The following SESN1 variants were observed in gnomAD, a reference collection of about 807,000 sequenced individuals.
SESN1 encodes sestrin-1.
SESN1 carries 30 observed loss-of-function variants against 59.3 expected under a neutral mutation model. The observed-to-expected ratio is 0.51, with a 90% CI of 0.38 to 0.69. The LOEUF (loss-of-function observed/expected upper bound fraction) is 0.69, where lower values mean the gene tolerates loss of function less well. SESN1 is among the 30% of genes least tolerant of loss of function. The pLI is 0.00. For missense variants in SESN1, 566 were observed against 673.0 expected (o/e 0.84, Z 1.76); for synonymous variants, 197 against 219.9 (o/e 0.90, Z 0.92).
At chr6:109,018,046 TTC>T (rs1168837723) in intron 1 of SESN1, among the ~76,000 whole-genome samples, 5 of 152,132 alleles carry the variant, frequency 3.3e-5, no homozygotes, top group Non-Finnish European at 7.3e-5. Flanking sequence ...AAAAATATAA[TTC>T]CTGATTTTAT....
At chr6:109,028,586 G>T (rs373955238) in intron 1 of SESN1, among the ~76,000 whole-genome samples, 1 of 151,810 alleles carries the variant, frequency 6.6e-6, no homozygotes, top group Non-Finnish European at 1.5e-5. Context: ...GCAATACTAG[G>T]GGGTAAGACA....
chr6:109,081,876 T>G (rs1002793119), intron 1 of SESN1, among the ~76,000 whole-genome samples: 1 of 152,152 alleles, frequency 6.6e-6, no homozygotes, highest in Non-Finnish European at 1.5e-5. Context: ...AAGCTCCCAT[T>G]GGGGGAAGCA....
chr6:109,088,979 A>G (rs957880389), intron 1 of SESN1, among the ~76,000 whole-genome samples: 2 of 152,218 alleles, frequency 1.3e-5, no homozygotes, highest in African/African-American at 4.8e-5. Flanking sequence ...AAAAATGTGA[A>G]TATATTTAAA....
intron 1 of SESN1, among the ~76,000 whole-genome samples, chr6:109,042,656 T>C (rs537288775): frequency 1.1e-4 from 16 of 152,090 alleles, no homozygotes; most frequent in Admixed American, 7.8e-4. Flanking sequence ...ATAACTCACC[T>C]ACTATGAAAT....
intron 1 of SESN1, among the ~76,000 whole-genome samples, chr6:109,079,359 CAGTT>C (rs1288041553): frequency 3.3e-5 from 5 of 152,112 alleles, no homozygotes; most frequent in Admixed American, 1.3e-4. Flanking sequence ...TGAGGTATAA[CAGTT>C]AGACTTTCCA....
At chr6:108,988,955 G>A (rs556498114) in intron 8 of SESN1, among the ~76,000 whole-genome samples, 1 of 152,192 alleles carries the variant, frequency 6.6e-6, no homozygotes, top group South Asian at 2.1e-4. Context: ...ATAGCACTGG[G>A]TACCAAGCAA....
At chr6:109,005,183 A>T (rs1389451254) in intron 1 of SESN1, among the ~76,000 whole-genome samples, 2 of 152,196 alleles carry the variant, frequency 1.3e-5, no homozygotes, top group Non-Finnish European at 2.9e-5. Flanking sequence ...TGTTCAATAG[A>T]AGGCTGTTTC....
At chr6:108,988,883 GACTA>G (rs1779278228) in intron 8 of SESN1, among the ~76,000 whole-genome samples, 196 bp from the exon 9 acceptor site, 1 of 152,166 alleles carries the variant, frequency 6.6e-6, no homozygotes. Flanking sequence ...TACTTAGGGA[GACTA>G]ACATAACATT....
intron 1 of SESN1, among the ~76,000 whole-genome samples, chr6:109,063,511 T>C (rs78930334): frequency 3.4e-3 from 516 of 152,298 alleles, no homozygotes; most frequent in African/African-American, 1.0e-2. Context: ...GGAACCACAG[T>C]TGGGGAACTG....
intron 8 of SESN1, among the ~76,000 whole-genome samples, chr6:108,989,547 CTAGA>C (rs1779311598): frequency 9.8e-6 from 1 of 102,392 alleles, no homozygotes; most frequent in Admixed American, 8.6e-5. Flanking sequence ...AGAGATATCT[CTAGA>C]TCTAGATCTC....
At chr6:109,052,681 C>A (rs1780559943) in intron 1 of SESN1, among the ~76,000 whole-genome samples, 1 of 152,076 alleles carries the variant, frequency 6.6e-6, no homozygotes, top group Admixed American at 6.5e-5. Flanking sequence ...AAGTTACTGG[C>A]AGTAGATTAT....
At chr6:109,059,270 C>T (rs1341950270) in intron 1 of SESN1, among the ~76,000 whole-genome samples, 1 of 152,126 alleles carries the variant, frequency 6.6e-6, no homozygotes, top group Non-Finnish European at 1.5e-5. Flanking sequence ...TCTAATAGTA[C>T]TGCTTAATCA....
chr6:109,009,428 G>C, intron 1 of SESN1: 1 of 1,392,166 alleles, frequency 7.2e-7, no homozygotes, highest in South Asian at 1.5e-5. Context: ...AAGGGGCCGT[G>C]TACGCCTCGT....
chr6:109,065,579 T>A (rs573947592), intron 1 of SESN1, among the ~76,000 whole-genome samples: 6 of 151,972 alleles, frequency 3.9e-5, no homozygotes, highest in East Asian at 1.9e-4. Context: ...TGTAACAATA[T>A]GACTAGAGGA....
chr6:109,038,710 ACCTT>A, intron 1 of SESN1, among the ~76,000 whole-genome samples: 1 of 152,342 alleles, frequency 6.6e-6, no homozygotes, highest in Non-Finnish European at 1.5e-5. Context: ...TTTCTGCCCT[ACCTT>A]AAGAAATTTT....
chr6:109,029,657 T>TCC (rs1167347647), intron 1 of SESN1, among the ~76,000 whole-genome samples: 1 of 152,120 alleles, frequency 6.6e-6, no homozygotes, highest in Non-Finnish European at 1.5e-5. Flanking sequence ...TGTCTTAGCC[T>TCC]CCCAAGTAGG....
intron 8 of SESN1, among the ~76,000 whole-genome samples, chr6:108,989,860 TTTCAGTGGAAAGGGGAC>T (rs1779327579): frequency 6.6e-6 from 1 of 152,132 alleles, no homozygotes; most frequent in South Asian, 2.1e-4. Context: ...CCTATTGAGT[TTTCAGTGGAAAGGGGAC>T]AAAGGTCTTG....
chr6:109,039,369 G>A (rs1780302652), intron 1 of SESN1, among the ~76,000 whole-genome samples: 1 of 152,204 alleles, frequency 6.6e-6, no homozygotes, highest in Admixed American at 6.5e-5. Context: ...ATGATTAACT[G>A]AGAATTTTCT....
In SESN1 at chr6:109,094,003, G is replaced by C; in HGVS notation, c.71C>G (p.Ala24Gly). The C allele has an allele frequency of 1.2e-6, 2 of 1,614,136 alleles. No homozygotes were observed. The highest frequency in any genetic ancestry group is 1.7e-6 in the Non-Finnish European group (2 of 1,180,012). The change falls in exon 1 of 10, where the codon GCA (alanine) becomes GGA (glycine). Residue 24 changes from alanine (A) to glycine (G), a missense_variant. Transcript: ENST00000436639. ...AATGGTTTGCCTAATGTTTTCCAAT[G>C]CTGTCTCCCTAGTAGTTGAATCTCT... ...CSRDSTTRET[A>G]LENIRQTILR...
Sources: allele counts gnomAD v4.1 joint callset (sites outside exome capture counted in the v4.1 genomes callset), GRCh38; gene constraint gnomAD v4.1.1; transcripts MANE v1.5; gene names NCBI Gene and HGNC (gene_info 2026-07-23, HGNC 2026-07-21).